Variants in FAM228A observed in about 807,000 individuals in gnomAD.
FAM228A encodes the protein protein FAM228A.
In FAM228A, 13 loss-of-function variants were observed where a neutral mutation model predicts 18.6. The observed-to-expected ratio is 0.70, with a 90% CI of 0.45 to 1.11. FAM228A has a LOEUF of 1.11. FAM228A is among the 50% of genes least tolerant of loss of function. The pLI is 0.00. For synonymous variants in FAM228A, 77 were observed against 86.6 expected, an observed-to-expected ratio of 0.89 and a Z score of 0.61; for missense variants, 240 against 242.2, an observed-to-expected ratio of 0.99 and a Z score of 0.06.
chr2:24,187,415 C>A (rs1454574120), intron 5 of FAM228A, among the ~76,000 whole-genome samples: 1 of 152,220 alleles, frequency 6.6e-6, no homozygotes, highest in Non-Finnish European at 1.5e-5. Context: ...CACAGTGGTA[C>A]AAACTACATT....
At chr2:24,182,791 C>T (rs1312031348) in intron 3 of FAM228A, among the ~76,000 whole-genome samples, 2 of 151,982 alleles carry the variant, frequency 1.3e-5, no homozygotes, top group African/African-American at 4.8e-5. Context: ...AATGGCAACA[C>T]AAATATTTAC....
chr2:24,180,863 G>A (rs115491230), intron 3 of FAM228A, among the ~76,000 whole-genome samples: 2,972 of 152,318 alleles, frequency 0.02, 29 homozygotes, highest in South Asian at 0.046. Flanking sequence ...GAAAAGAGTT[G>A]AGTCTTGACA....
Position 24,191,210 on chromosome 2 carries a change from C to T in FAM228A, c.*579C>T. 1.0e-6 allele frequency: 1 copy of T among 985,620 alleles called. No homozygotes were observed. Among genetic ancestry groups the T allele is most frequent in the African/African-American group, 1.7e-5 (1 of 57,362 alleles). The allele number at this position is 985,620 out of a possible 1,614,324, so 61.1% of individuals were successfully genotyped here. A position where few individuals can be genotyped will look rare whatever the true frequency, so the allele number is the denominator to read the frequency against. On this transcript the variant is annotated 3_prime_UTR_variant, in exon 6 of 6. Coordinates refer to ENST00000295150, the MANE Select transcript of FAM228A (RefSeq NM_001040710.3). ...CTCCGCCACGCCCTGTGCCCTGAGG[C>T]CTGAGGCGCAGGACCCTCCCAGGGA...
intron 5 of FAM228A, among the ~76,000 whole-genome samples, chr2:24,185,971 A>G (rs1394746088): frequency 6.6e-6 from 1 of 152,168 alleles, no homozygotes; most frequent in Admixed American, 6.5e-5. Flanking sequence ...GCTAAACTTT[A>G]TTATGAATTC....
In FAM228A at chr2:24,176,716, GT is replaced by G. The variant is rs541015409; in HGVS notation, c.94-1083del. On this transcript the variant is annotated intron_variant, in intron 2 of 5. Coordinates refer to ENST00000295150, the MANE Select transcript of FAM228A (RefSeq NM_001040710.3). ...CACAGATTTGGTATTTGAGTTTGGGGTTTAGTTTGTTGTGATGCATTCAGTG... is the reference window on the plus strand; with the variant it reads ...CACAGATTTGGTATTTGAGTTTGGGGTTAGTTTGTTGTGATGCATTCAGTG... 2.3e-4 allele frequency among the ~76,000 whole-genome samples: 35 copies of G among 152,266 alleles called. No homozygotes were observed. In the South Asian group the frequency reaches 7.3e-3, roughly 32 times the overall value.
At chr2:24,185,141 T>C (rs559437722) in intron 5 of FAM228A, among the ~76,000 whole-genome samples, 1 of 152,286 alleles carries the variant, frequency 6.6e-6, no homozygotes, top group South Asian at 2.1e-4. Context: ...TAGTTTTGCT[T>C]TTCAAATTTA....
intron 5 of FAM228A, among the ~76,000 whole-genome samples, chr2:24,188,278 G>C (rs1667999099): frequency 6.6e-6 from 1 of 151,920 alleles, no homozygotes; most frequent in Admixed American, 6.6e-5. Flanking sequence ...TTTAGAGCTG[G>C]CATACATGTG....
At chr2:24,184,585 C>T (rs1403032536) in intron 5 of FAM228A, among the ~76,000 whole-genome samples, 3 of 152,134 alleles carry the variant, frequency 2.0e-5, no homozygotes, top group Non-Finnish European at 4.4e-5. Context: ...AAGCAATCCA[C>T]TGTTGTGGAC....
chr2:24,176,779 AG>A (rs1667703086), intron 2 of FAM228A, among the ~76,000 whole-genome samples: 1 of 152,248 alleles, frequency 6.6e-6, no homozygotes, highest in Non-Finnish European at 1.5e-5. Context: ...ATTGAATAAC[AG>A]TTCTAAGAAC....
At position 24,180,343 on chromosome 2, in the gene FAM228A, T is replaced by C. The variant is rs546673087; in HGVS notation, c.162+2473T>C. On this transcript the variant is annotated intron_variant, in intron 3 of 5. Transcript: ENST00000295150. Reference sequence around the variant, plus strand: ...TCTGTGCACTTGTAGTCCCAGCTACTTGGGAGGTTGAGGTGGGAGGATCAC... The same window carrying C: ...TCTGTGCACTTGTAGTCCCAGCTACCTGGGAGGTTGAGGTGGGAGGATCAC... 4.8e-4 allele frequency among the ~76,000 whole-genome samples: 72 copies of C among 150,086 alleles called. 1 individual carries two copies. Among genetic ancestry groups the C allele is most frequent in the Non-Finnish European group, 1.3e-4 (9 of 67,746 alleles).
chr2:24,191,258 C>T lies in FAM228A; in HGVS notation c.*627C>T, dbSNP rs140657173. ...GGAAGGCCTAGGGGGCTTGGTGGGC[C>T]ACCGCTCAGCTCAGGACCTGACAGC... On this transcript the variant is annotated 3_prime_UTR_variant, in exon 6 of 6. Transcript: ENST00000295150. The T allele has an allele frequency of 1.6e-5, 16 of 985,590 alleles. No homozygotes were observed. In the African/African-American group the frequency reaches 2.4e-4, roughly 15 times the overall value. The allele number at this position is 985,590 out of a possible 1,614,324, so 61.1% of individuals were successfully genotyped here.
At chr2:24,180,702 A>C (rs1301664548) in intron 3 of FAM228A, among the ~76,000 whole-genome samples, 1 of 152,184 alleles carries the variant, frequency 6.6e-6, no homozygotes, top group Non-Finnish European at 1.5e-5. Flanking sequence ...AATCAACCAT[A>C]TGAGCTGGAT....
At chr2:24,176,204 G>T (rs1667688219) in intron 2 of FAM228A, 1 of 984,002 alleles carries the variant, frequency 1.0e-6, no homozygotes, top group Admixed American at 6.2e-5. Context: ...ATCTTACTAG[G>T]ATGTTCTTTA....
At chr2:24,188,486 T>A in intron 5 of FAM228A, 2 of 985,386 alleles carry the variant, frequency 2.0e-6, no homozygotes, top group Non-Finnish European at 2.4e-6. Flanking sequence ...TGTCCTCCAT[T>A]GAGAAACCAA....
At chr2:24,189,215 C>A (rs138818969) in intron 5 of FAM228A, among the ~76,000 whole-genome samples, 3,556 of 152,236 alleles carry the variant, frequency 0.023, 43 homozygotes, top group South Asian at 0.044. Flanking sequence ...CCACTGGAAA[C>A]CCTTCAGTGC....
chr2:24,175,347 G>A, intron 1 of FAM228A, 120 bp from the exon 2 acceptor site: 2 of 731,738 alleles, frequency 2.7e-6, no homozygotes, highest in South Asian at 3.1e-5. Context: ...AGTTTGTTGG[G>A]TGACTCGGCT....
intron 2 of FAM228A, among the ~76,000 whole-genome samples, chr2:24,176,965 C>T (rs1293952792): frequency 6.6e-6 from 1 of 152,202 alleles, no homozygotes; most frequent in Non-Finnish European, 1.5e-5. Context: ...AATGCATCAG[C>T]TTTACCCAAA....
chr2:24,185,451 C>T (rs1667925404), intron 5 of FAM228A, among the ~76,000 whole-genome samples: 1 of 152,098 alleles, frequency 6.6e-6, no homozygotes, highest in Non-Finnish European at 1.5e-5. Flanking sequence ...TACACACATA[C>T]AAACAAATAA....
chr2:24,176,305 A>G, intron 2 of FAM228A: 1 of 621,996 alleles, frequency 1.6e-6, no homozygotes, highest in Non-Finnish European at 2.0e-6. Context: ...GTCAGGATAC[A>G]TGTTTAATTG....
Sources: allele counts gnomAD v4.1 joint callset (sites outside exome capture counted in the v4.1 genomes callset), GRCh38; gene constraint gnomAD v4.1.1; transcripts MANE v1.5; gene names NCBI Gene and HGNC (gene_info 2026-07-23, HGNC 2026-07-21).